LRRC72: variants seen among roughly 807,000 people sequenced by gnomAD.
LRRC72 encodes leucine rich repeat containing 72.
A neutral mutation model predicts 35.8 loss-of-function variants in LRRC72; 41 were observed. The observed-to-expected ratio is 1.15, with a 90% CI of 0.89 to 1.49. LRRC72 has a LOEUF of 1.49. Ranked by LOEUF, LRRC72 falls within the 40% of genes most tolerant of loss-of-function variation. The probability of loss-of-function intolerance (pLI) is 0.00; values close to 1 mark genes in which losing one functional copy is unlikely to be tolerated. For missense variants in LRRC72, 389 were observed against 330.7 expected, an observed-to-expected ratio of 1.18 and a Z score of -1.37; for synonymous variants, 118 against 119.2, an observed-to-expected ratio of 0.99 and a Z score of 0.07.
At chr7:16,581,075 ACTGT>A (rs1783133342) in intron 8 of LRRC72, among the ~76,000 whole-genome samples, 1 of 152,206 alleles carries the variant, frequency 6.6e-6, no homozygotes, top group Non-Finnish European at 1.5e-5. Flanking sequence ...TGAGATCTAA[ACTGT>A]AATAGTTGAT....
Position 16,550,346 on chromosome 7 carries a change from G to C in LRRC72, c.235-7014G>C, listed in dbSNP as rs966864115. On this transcript the variant is annotated intron_variant, in intron 3 of 8. Transcript: ENST00000401542. ...ATCGATGTTCTTCTTAGACAATATG[G>C]GGTATTTATTCTTTCTGACTGCTTC... Among the ~76,000 whole-genome samples, 3 of 152,226 alleles carry C rather than the reference G, an allele frequency of 2.0e-5. No individual in the cohort carries two copies. The East Asian group carries it at 5.8e-4, about 29-fold the overall frequency.
At chr7:16,554,064 C>G (rs1243367676) in intron 3 of LRRC72, among the ~76,000 whole-genome samples, 1 of 152,186 alleles carries the variant, frequency 6.6e-6, no homozygotes, top group Non-Finnish European at 1.5e-5. Flanking sequence ...TGCGGTGGCT[C>G]ACACCTGTAA....
At chr7:16,569,439 G>T (rs1282637605) in intron 7 of LRRC72, among the ~76,000 whole-genome samples, 2 of 151,928 alleles carry the variant, frequency 1.3e-5, no homozygotes, top group African/African-American at 2.4e-5. Context: ...ACAAGGACAG[G>T]TCTCCTCAGA....
intron 7 of LRRC72, among the ~76,000 whole-genome samples, chr7:16,576,680 C>T (rs935073528): frequency 6.6e-6 from 1 of 152,104 alleles, no homozygotes; most frequent in Non-Finnish European, 1.5e-5. Flanking sequence ...CACCAATTAC[C>T]TATATGTAAA....
intron 3 of LRRC72, among the ~76,000 whole-genome samples, chr7:16,553,949 A>G (rs531270754): frequency 3.4e-4 from 52 of 152,336 alleles, no homozygotes; most frequent in African/African-American, 1.2e-3. Context: ...GCTAAGACAT[A>G]TGATTTGTGA....
At chr7:16,571,071 G>A (rs562231627) in intron 7 of LRRC72, among the ~76,000 whole-genome samples, 5 of 151,166 alleles carry the variant, frequency 3.3e-5, no homozygotes, top group East Asian at 3.9e-4. Context: ...GGTGTCATTC[G>A]ATTTGTTCCT....
chr7:16,537,840 C>G (rs1197996769), intron 3 of LRRC72, 144 bp downstream of exon 3: 1 of 547,476 alleles, frequency 1.8e-6, no homozygotes, highest in Non-Finnish European at 3.2e-6. Flanking sequence ...ACATATATAT[C>G]TGGTACATAT....
chr7:16,547,104 C>T (rs1472192148), intron 3 of LRRC72, among the ~76,000 whole-genome samples: 1 of 152,152 alleles, frequency 6.6e-6, no homozygotes, highest in Non-Finnish European at 1.5e-5. Flanking sequence ...AGAGCCTCCA[C>T]TGTGGCCTTA....
intron 5 of LRRC72, among the ~76,000 whole-genome samples, chr7:16,559,395 GA>G (rs1005393032): frequency 5.6e-4 from 79 of 142,222 alleles, no homozygotes; most frequent in Middle Eastern, 3.6e-3. Flanking sequence ...CCCTGTCTCA[GA>G]AAAAAAAAAA....
At chr7:16,533,911 C>A (rs1260998893) in intron 2 of LRRC72, among the ~76,000 whole-genome samples, 1 of 152,042 alleles carries the variant, frequency 6.6e-6, no homozygotes, top group Non-Finnish European at 1.5e-5. Context: ...TTGCATCTTT[C>A]ATGATTTTGA....
intron 7 of LRRC72, among the ~76,000 whole-genome samples, chr7:16,576,087 G>T (rs495200): frequency 0.27 from 40,763 of 151,970 alleles, 5,740 homozygotes; most frequent in South Asian, 0.38. Flanking sequence ...GTTGACTAAA[G>T]CCTCTAATAA....
chr7:16,544,291 A>C (rs1210082484), intron 3 of LRRC72, among the ~76,000 whole-genome samples: 1 of 152,184 alleles, frequency 6.6e-6, no homozygotes, highest in African/African-American at 2.4e-5. Context: ...ATGAAAAAGC[A>C]CAAGTTTATT....
chr7:16,575,909 G>C (rs1232046366), intron 7 of LRRC72, among the ~76,000 whole-genome samples: 1 of 152,104 alleles, frequency 6.6e-6, no homozygotes, highest in East Asian at 1.9e-4. Flanking sequence ...CCTACCTTTA[G>C]GGATCTACAT....
At chr7:16,551,223 C>G (rs11760326) in intron 3 of LRRC72, among the ~76,000 whole-genome samples, 1 of 151,932 alleles carries the variant, frequency 6.6e-6, no homozygotes. Flanking sequence ...CAAATGGCCA[C>G]CTACGAGCCA....
chr7:16,554,108 T>G (rs1442888331), intron 3 of LRRC72, among the ~76,000 whole-genome samples: 1 of 151,964 alleles, frequency 6.6e-6, no homozygotes, highest in Non-Finnish European at 1.5e-5. Flanking sequence ...GCGGGCAGAT[T>G]ATCTGAGGTC....
intron 8 of LRRC72, among the ~76,000 whole-genome samples, chr7:16,580,457 A>T (rs940229608): frequency 6.6e-6 from 1 of 152,180 alleles, no homozygotes; most frequent in Admixed American, 6.5e-5. Context: ...AGCCTGGCAA[A>T]CATGGTGAAA....
intron 7 of LRRC72, among the ~76,000 whole-genome samples, chr7:16,575,866 T>G (rs1173320617): frequency 6.6e-6 from 1 of 152,200 alleles, no homozygotes; most frequent in African/African-American, 2.4e-5. Flanking sequence ...CCACAATCTA[T>G]TTTTCAGTGC....
In LRRC72 at chr7:16,567,374, CT is replaced by C; in HGVS notation, c.518-12del. On this transcript the variant is annotated splice_polypyrimidine_tract_variant and intron_variant, in intron 6 of 8. Transcript: ENST00000401542. ...TTTATAATGTTATGCAATAACATTA[CT>C]TTTTGCATTTATCAGAAGTTACAGA... The C allele has an allele frequency of 7.0e-7, 1 of 1,426,134 alleles. No homozygotes were observed. The highest frequency in any genetic ancestry group is 9.3e-7 in the Non-Finnish European group (1 of 1,074,570). The allele number at this position is 1,426,134 out of a possible 1,614,324, so 88.3% of individuals were successfully genotyped here.
chr7:16,531,553 AT>A (rs1395624084), intron 1 of LRRC72, among the ~76,000 whole-genome samples: 1 of 152,228 alleles, frequency 6.6e-6, no homozygotes, highest in African/African-American at 2.4e-5. Flanking sequence ...TTTATAAGTC[AT>A]TATAACCTCA....
Sources: gnomAD v4.1 joint callset for allele counts (sites outside exome capture counted in the v4.1 genomes callset) on GRCh38, gnomAD v4.1.1 for gene constraint, MANE v1.5 for transcripts, NCBI Gene and HGNC (gene_info 2026-07-23, HGNC 2026-07-21) for gene names.